The following TFDP2 variants were observed in gnomAD, a reference collection of about 807,000 sequenced individuals.
The protein encoded by TFDP2 is transcription factor Dp-2 (E2F dimerization partner 2).
Under a neutral mutation model 59.3 loss-of-function variants are expected in TFDP2, and 17 were observed. The ratio of observed to expected loss-of-function variants is 0.29; its 90% confidence interval spans 0.20 to 0.43. The LOEUF is 0.43. Among genes scored for constraint, TFDP2 ranks in the 20% least tolerant of loss-of-function variants. The pLI, the probability that TFDP2 is intolerant of heterozygous loss-of-function variation, is 1.00. For missense variants in TFDP2, 391 were observed against 528.8 expected (o/e 0.74, Z 2.56); for synonymous variants, 180 against 194.7 (o/e 0.92, Z 0.63).
chr3:142,037,870 C>A (rs938389663), intron 3 of TFDP2, among the ~76,000 whole-genome samples: 1 of 152,060 alleles, frequency 6.6e-6, no homozygotes, highest in African/African-American at 2.4e-5. Flanking sequence ...ATTTTATTTC[C>A]CTTTTAAGTG....
intron 2 of TFDP2, among the ~76,000 whole-genome samples, chr3:142,095,483 G>A (rs2061132546): frequency 6.6e-6 from 1 of 152,148 alleles, no homozygotes; most frequent in African/African-American, 2.4e-5. Flanking sequence ...TGATTTTGAT[G>A]CAAATCTCTA....
Position 141,969,752 on chromosome 3 carries a change from A to G in TFDP2, c.732+321T>C, listed in dbSNP as rs11569255. 6.1e-3 allele frequency among the ~76,000 whole-genome samples: 928 copies of G among 152,282 alleles called. 12 individuals are homozygous for G. The highest frequency in any genetic ancestry group is 0.03 in the South Asian group (145 of 4,830). ...ACTAGCTTCACTAGTGGATATTCCA[A>G]ATTCGGGCTAAAATAAACAAACACA... On this transcript the variant is annotated intron_variant, in intron 9 of 12. Coordinates refer to ENST00000489671, the MANE Select transcript of TFDP2 (RefSeq NM_001178139.2).
At chr3:142,101,207 T>C (rs1408297220) in intron 2 of TFDP2, among the ~76,000 whole-genome samples, 1 of 152,104 alleles carries the variant, frequency 6.6e-6, no homozygotes, top group Non-Finnish European at 1.5e-5. Flanking sequence ...AAAGGAGGTA[T>C]ATTCAGAAAT....
chr3:141,957,311 C>T (rs532624883), intron 11 of TFDP2, among the ~76,000 whole-genome samples: 3 of 152,172 alleles, frequency 2.0e-5, no homozygotes, highest in East Asian at 3.9e-4. Context: ...AGTGAGACTC[C>T]GTCTCTAAAT....
intron 3 of TFDP2, among the ~76,000 whole-genome samples, chr3:142,061,903 C>CT (rs1246853776): frequency 0.015 from 1,993 of 129,826 alleles, 43 homozygotes; most frequent in African/African-American, 0.065. Context: ...CACACACACA[C>CT]ACACACACAC....
intron 3 of TFDP2, among the ~76,000 whole-genome samples, chr3:142,016,939 A>G (rs74553121): frequency 0.07 from 10,587 of 152,012 alleles, 473 homozygotes; most frequent in Non-Finnish European, 0.11. Context: ...ATCTCTCCCT[A>G]CTTCATTCCT....
rs911834284 is a variant in TFDP2, at chr3:141,951,001, C to G, written c.*1512G>C. 1.3e-5 allele frequency: 2 copies of G among 152,206 alleles called. No individual in the cohort carries two copies. The highest frequency in any genetic ancestry group is 4.8e-5 in the African/African-American group (2 of 41,440). The allele number at this position is 152,206 out of a possible 1,614,324, so 9.4% of individuals were successfully genotyped here. On this transcript the variant is annotated 3_prime_UTR_variant, in exon 13 of 13. Transcript: ENST00000489671. The stretch of plus-strand genomic sequence containing the variant: ...ATGTTTAGCTAGCCAAAGCTTCCTC[C>G]TCCTCACCATGCTCAGTGTTAGCAT...
intron 3 of TFDP2, chr3:142,028,744 T>A (rs975976096): frequency 1.0e-6 from 1 of 984,206 alleles, no homozygotes; most frequent in Non-Finnish European, 1.2e-6. Context: ...AAGAAAACTG[T>A]TTAGTTAACT....
intron 3 of TFDP2, among the ~76,000 whole-genome samples, chr3:142,047,805 G>A (rs547698079): frequency 1.3e-5 from 2 of 148,528 alleles, no homozygotes; most frequent in Admixed American, 6.8e-5. Flanking sequence ...TCAGTGGCGC[G>A]ATCTTGGTTC....
rs1404632178 is a variant in TFDP2, at chr3:141,949,805, CCATTTTTTT to C, written c.*2699_*2707del. ...AGCCTGGGCATTGTGACCACAACTT[CCATTTTTTT>C]TTTTTTTTTTTTTGAGACAGGGTCT... On this transcript the variant is annotated 3_prime_UTR_variant, in exon 13 of 13. Transcript: ENST00000489671. 2.1e-5 allele frequency: 1 copy of C among 46,606 alleles called. No homozygotes were observed. Among genetic ancestry groups the C allele is most frequent in the Non-Finnish European group, 3.7e-5 (1 of 27,024 alleles). 2.9% of individuals were successfully genotyped at this position (46,606 alleles called of 1,614,324 possible). A position where few individuals can be genotyped will look rare whatever the true frequency, so the allele number is the denominator to read the frequency against.
chr3:142,050,460 C>T (rs1433832348), intron 3 of TFDP2, among the ~76,000 whole-genome samples: 3 of 152,034 alleles, frequency 2.0e-5, no homozygotes, highest in Non-Finnish European at 4.4e-5. Flanking sequence ...CTTTAGGAGG[C>T]CGAGGCAGGC....
At chr3:142,013,269 G>A (rs1944866135) in intron 3 of TFDP2, among the ~76,000 whole-genome samples, 1 of 152,166 alleles carries the variant, frequency 6.6e-6, no homozygotes, top group Non-Finnish European at 1.5e-5. Context: ...AATGAAATTT[G>A]CTTTAAAAGT....
intron 6 of TFDP2, among the ~76,000 whole-genome samples, chr3:141,983,166 T>G (rs1216528548): frequency 6.6e-6 from 1 of 152,172 alleles, no homozygotes; most frequent in Non-Finnish European, 1.5e-5. Flanking sequence ...ACATTAAAAT[T>G]CAACAAAGGA....
chr3:142,075,206 GTAA>G, intron 3 of TFDP2, among the ~76,000 whole-genome samples: 1 of 152,094 alleles, frequency 6.6e-6, no homozygotes, highest in East Asian at 1.9e-4. Context: ...TGAATTAACT[GTAA>G]TCCATCAAAA....
intron 7 of TFDP2, among the ~76,000 whole-genome samples, chr3:141,975,734 A>G (rs924322091): frequency 2.0e-5 from 3 of 151,872 alleles, no homozygotes; most frequent in African/African-American, 4.8e-5. Context: ...TGTAGAAACA[A>G]TGATACTGTA....
chr3:141,984,429 A>T (rs1941845580), intron 6 of TFDP2, among the ~76,000 whole-genome samples: 1 of 152,170 alleles, frequency 6.6e-6, no homozygotes, highest in African/African-American at 2.4e-5. Flanking sequence ...CCCAGGAGGC[A>T]GAGGTTTTAG....
chr3:142,147,669 G>A (rs2063222846), intron 1 of TFDP2, among the ~76,000 whole-genome samples: 1 of 151,920 alleles, frequency 6.6e-6, no homozygotes, highest in Admixed American at 6.6e-5. Flanking sequence ...AAATGTAAGG[G>A]CCACAGTGCT....
chr3:142,070,783 GTTTTA>G (rs1258920250), intron 3 of TFDP2, among the ~76,000 whole-genome samples: 1 of 152,106 alleles, frequency 6.6e-6, no homozygotes, highest in African/African-American at 2.4e-5. Flanking sequence ...TTTGAAGTAT[GTTTTA>G]TTTTATTTAG....
At chr3:142,126,823 G>GT (rs2062272407) in intron 1 of TFDP2, among the ~76,000 whole-genome samples, 1 of 151,718 alleles carries the variant, frequency 6.6e-6, no homozygotes, top group South Asian at 2.1e-4. Context: ...TGGCGTGCCT[G>GT]TAATCCCAGC....
Sources: allele counts gnomAD v4.1 joint callset (sites outside exome capture counted in the v4.1 genomes callset), GRCh38; gene constraint gnomAD v4.1.1; transcripts MANE v1.5; gene names NCBI Gene and HGNC (gene_info 2026-07-23, HGNC 2026-07-21).